ALG12: variants seen among roughly 807,000 people sequenced by gnomAD.
The protein encoded by ALG12 is dol-P-Man:Man(7)GlcNAc(2)-PP-Dol alpha-1,6-mannosyltransferase.
Under a neutral mutation model 46.0 loss-of-function variants are expected in ALG12, and 36 were observed. That is an observed-to-expected ratio of 0.78 (90% CI 0.60 to 1.03). The LOEUF (loss-of-function observed/expected upper bound fraction) is 1.03, where lower values mean the gene tolerates loss of function less well. Among genes scored for constraint, ALG12 ranks in the 50% least tolerant of loss-of-function variants. The pLI, the probability that ALG12 is intolerant of heterozygous loss-of-function variation, is 0.00. For synonymous variants in ALG12, 326 were observed against 291.6 expected (o/e 1.12, Z -1.20); for missense variants, 599 against 633.5 (o/e 0.95, Z 0.58).
Position 49,906,713 on chromosome 22 carries a change from G to C in ALG12, c.992+1008C>G, listed in dbSNP as rs1263676790. 6.6e-6 allele frequency among the ~76,000 whole-genome samples: 1 copy of C among 152,166 alleles called. No individual in the cohort carries two copies. The highest frequency in any genetic ancestry group is 2.4e-5 in the African/African-American group (1 of 41,444). ...TAGCCCTGCCGCCCCTCAATGCCCA[G>C]CGTGGCCTGAGTTGGCCTCCTGTTC... On this transcript the variant is annotated intron_variant, in intron 7 of 9. Transcript: ENST00000330817. This position sits in a 1 kb window ranked among gnomAD's most constrained non-coding sequence, Gnocchi z 4.4.
At chr22:49,910,290 C>T (rs2060568831) in intron 4 of ALG12, 144 bp downstream of exon 4, 1 of 1,283,478 alleles carries the variant, frequency 7.8e-7, no homozygotes, top group Non-Finnish European at 1.1e-6. Context: ...AACAAAGAGC[C>T]TGGTTTCAGG....
chr22:49,908,049 G>C, intron 6 of ALG12, 105 bp from the exon 7 acceptor site: 1 of 1,171,186 alleles, frequency 8.5e-7, no homozygotes, highest in Non-Finnish European at 1.2e-6. Context: ...TGTGCTGAGA[G>C]ATGCAGCCTG....
In ALG12 at chr22:49,913,658, G is replaced by C; in HGVS notation, c.108C>G (p.Ser36Arg). The change falls in exon 2 of 10, where the codon AGC becomes AGG. Residue 36 changes from serine to arginine, a missense_variant. Coordinates refer to ENST00000330817, the MANE Select transcript of ALG12 (RefSeq NM_024105.4). ...GGTCATGTGTGGCCTGCAGGTTGAA[G>C]CTCTCCTCCACTTTGGTGTAGGGAC... ...VICPYTKVEE[S>R]FNLQATHDLL... is the part of the protein sequence containing the mutation. 4 of 1,614,140 alleles carry C rather than the reference G, an allele frequency of 2.5e-6. No individual in the cohort carries two copies. The highest frequency in any genetic ancestry group is 2.5e-6 in the Non-Finnish European group (3 of 1,180,032).
At chr22:49,910,650 G>A (rs1274559335) in intron 3 of ALG12, 43 bp from the exon 4 acceptor site, 19 of 1,612,828 alleles carry the variant, frequency 1.2e-5, no homozygotes, top group Non-Finnish European at 1.6e-5. Flanking sequence ...CAGTGGAGGA[G>A]TATCCAGTGG....
At chr22:49,860,427 A>C in the ALG12 span, among the ~76,000 whole-genome samples, 3 of 152,244 alleles carry the variant, frequency 2.0e-5, no homozygotes, top group Non-Finnish European at 4.4e-5. Flanking sequence ...TAAAATGTGC[A>C]TACAGTAGGT....
the ALG12 span, chr22:49,884,894 TG>T: frequency 6.2e-7 from 1 of 1,603,364 alleles, no homozygotes; most frequent in Non-Finnish European, 8.5e-7. Flanking sequence ...ATGGAAGACG[TG>T]GCGGCCTTCT....
At position 49,900,684 on chromosome 22, in the gene ALG12, A is replaced by C. The variant is rs1275236943; in HGVS notation, c.*3154T>G. 1 of 151,054 alleles carries C rather than the reference A, an allele frequency of 6.6e-6. No homozygotes were observed. The highest frequency in any genetic ancestry group is 2.0e-4 in the East Asian group (1 of 5,002). The allele number at this position is 151,054 out of a possible 1,614,324, so 9.4% of individuals were successfully genotyped here. A position where few individuals can be genotyped will look rare whatever the true frequency, so the allele number is the denominator to read the frequency against. On this transcript the variant is annotated 3_prime_UTR_variant, in exon 10 of 10. Transcript: ENST00000330817. ...TGGACTCCCTAGCAGATGCGTGAGG[A>C]TGCTGCTGTTGCTGGGGGCCAGGGT...
At chr22:49,874,168 A>G in the ALG12 span, among the ~76,000 whole-genome samples, 1 of 152,272 alleles carries the variant, frequency 6.6e-6, no homozygotes, top group African/African-American at 2.4e-5. Context: ...CCAGTGCTGT[A>G]TAGAATATGC....
downstream of ALG12, among the ~76,000 whole-genome samples, chr22:49,898,741 C>T (rs904712769): frequency 1.3e-5 from 2 of 152,002 alleles, no homozygotes; most frequent in East Asian, 3.9e-4. Context: ...GGTGAAAAGA[C>T]AGTATTTTCT....
chr22:49,915,085 G>A (rs2060602042), intron 1 of ALG12, among the ~76,000 whole-genome samples: 2 of 152,326 alleles, frequency 1.3e-5, no homozygotes, highest in African/African-American at 2.4e-5. Flanking sequence ...GGCAACCAAA[G>A]GAAAATCTGT....
chr22:49,908,981 G>T (rs12166846), intron 6 of ALG12, among the ~76,000 whole-genome samples: 1 of 150,404 alleles, frequency 6.6e-6, no homozygotes, highest in Non-Finnish European at 1.5e-5. Context: ...CAGATTGTCC[G>T]AGGAGCAGAG....
At chr22:49,864,944 C>A in the ALG12 span, among the ~76,000 whole-genome samples, 1 of 85,940 alleles carries the variant, frequency 1.2e-5, no homozygotes, top group Non-Finnish European at 2.0e-5. Context: ...CAAGCCCCCC[C>A]CCCCCCCCGT....
Position 49,904,458 on chromosome 22 carries a change from A to G in ALG12, c.1041T>C (p.Leu347=), listed in dbSNP as rs2147580566. 6.2e-7 allele frequency: 1 copy of G among 1,614,200 alleles called. No individual in the cohort carries two copies. The highest frequency in any genetic ancestry group is 8.5e-7 in the Non-Finnish European group (1 of 1,180,026). ...KSWLYKAGSL[L]VIGHLVVNAA... ...CATTCACCACGAGGTGTCCGATCAC[A>G]AGCAGAGACCCCGCTTTGTACAGCC... The change falls in exon 8 of 10, where the codon CTT becomes CTC. Residue 347 remains leucine (L), a synonymous_variant. Coordinates refer to ENST00000330817, the MANE Select transcript of ALG12 (RefSeq NM_024105.4).
chr22:49,894,895 C>A, the ALG12 span, among the ~76,000 whole-genome samples: 1 of 152,192 alleles, frequency 6.6e-6, no homozygotes, highest in Non-Finnish European at 1.5e-5. Flanking sequence ...TCCACCCACC[C>A]CAAAGGCACT....
At chr22:49,889,635 C>G in the ALG12 span, 1 of 167,180 alleles carries the variant, frequency 6.0e-6, no homozygotes, top group Non-Finnish European at 1.5e-5. Flanking sequence ...CATTTTATCT[C>G]ATACATTCCC....
the ALG12 span, among the ~76,000 whole-genome samples, chr22:49,871,918 G>A: frequency 6.6e-6 from 1 of 151,702 alleles, no homozygotes; most frequent in East Asian, 1.9e-4. Context: ...GCTAATTTTT[G>A]TATTTTTAGT....
chr22:49,869,076 T>G, the ALG12 span, among the ~76,000 whole-genome samples: 53 of 147,092 alleles, frequency 3.6e-4, no homozygotes, highest in African/African-American at 1.2e-3. Flanking sequence ...TGAGTCGAGA[T>G]CATGCCATTG....
rs148469139 is a variant in ALG12 at position 49,908,573 on chromosome 22, G to T, written c.769-629C>A. Among the ~76,000 whole-genome samples the T allele has an allele frequency of 4.8e-5, 7 of 144,544 alleles. No homozygotes were observed. The East Asian group carries it at 1.4e-3, about 28-fold the overall frequency. 94.8% of individuals were successfully genotyped at this position (144,544 alleles called of 152,430 possible). Reference sequence around the variant, plus strand: ...CAAAAAACAAAAAACAGACGGTCACGGGTGACACACATGTTGGGATTCGTT... The same window carrying T: ...CAAAAAACAAAAAACAGACGGTCACTGGTGACACACATGTTGGGATTCGTT... On this transcript the variant is annotated intron_variant, in intron 6 of 9. Coordinates refer to ENST00000330817, the MANE Select transcript of ALG12 (RefSeq NM_024105.4).
chr22:49,892,464 G>A, the ALG12 span, among the ~76,000 whole-genome samples: 1 of 152,186 alleles, frequency 6.6e-6, no homozygotes, highest in African/African-American at 2.4e-5. Flanking sequence ...AGAAGTGGCC[G>A]AATTCCCAGT....
Sources: allele counts gnomAD v4.1 joint callset (sites outside exome capture counted in the v4.1 genomes callset), GRCh38; gene constraint gnomAD v4.1.1; non-coding constraint Gnocchi (gnomAD v3.1); transcripts MANE v1.5; gene names NCBI Gene and HGNC (gene_info 2026-07-23, HGNC 2026-07-21).